The following GPRC5B variants were observed in gnomAD, a reference collection of about 807,000 sequenced individuals.
The protein encoded by GPRC5B is G protein-coupled receptor family C group 5 member B.
GPRC5B carries 16 observed loss-of-function variants against 30.1 expected under a neutral mutation model. The ratio of observed to expected loss-of-function variants is 0.53; its 90% CI spans 0.36 to 0.81. The LOEUF (loss-of-function observed/expected upper bound fraction) is 0.81, where lower values mean the gene tolerates loss of function less well. Among genes scored for constraint, GPRC5B ranks in the 30% least tolerant of loss-of-function variants. The pLI, the probability that GPRC5B is intolerant of heterozygous loss-of-function variation, is 0.01. For missense variants in GPRC5B, 428 were observed against 544.7 expected (o/e 0.79, Z 2.13); for synonymous variants, 241 against 239.5 (o/e 1.01, Z -0.06).
chr16:19,878,877 C>G (rs141594195), intron 1 of GPRC5B, among the ~76,000 whole-genome samples: 1 of 152,336 alleles, frequency 6.6e-6, no homozygotes, highest in South Asian at 2.1e-4. Context: ...AAAGCAGCAA[C>G]ATCGCCCTGG....
chr16:19,860,583 T>G (rs780314845), intron 3 of GPRC5B, 39 bp from the exon 4 acceptor site: 3 of 1,437,818 alleles, frequency 2.1e-6, no homozygotes, highest in Non-Finnish European at 2.9e-6. Context: ...GAGAACTCTG[T>G]GCTTTGCAAA....
At chr16:19,867,454 GC>G (rs1008376545) in intron 2 of GPRC5B, among the ~76,000 whole-genome samples, 4 of 152,160 alleles carry the variant, frequency 2.6e-5, no homozygotes, top group African/African-American at 9.7e-5. Context: ...ATGATACCGG[GC>G]CCCCAGGAAG....
rs139950795 is a variant in GPRC5B at position 19,872,277 on chromosome 16, C to T, written c.569G>A (p.Arg190Lys). The change falls in exon 2 of 4, where the codon AGG becomes AAG. Residue 190 changes from arginine to lysine, a missense_variant. By Grantham distance (26) the Arg-to-Lys change is conservative. Transcript: ENST00000300571. This position sits in a 1 kb window ranked among gnomAD's most constrained non-coding sequence, Gnocchi z 5.0. ...WLVLTVLRDT[R>K]PACAYEPMDF... ...CATGGGCTCGTAGGCGCAGGCTGGC[C>T]TTGTGTCACGCAGCACGGTGAGCAC... is the stretch of plus-strand genomic sequence containing the variant. 4 of 1,614,012 alleles carry T rather than the reference C, an allele frequency of 2.5e-6. No individual in the cohort carries two copies. The highest frequency in any genetic ancestry group is 3.4e-6 in the Non-Finnish European group (4 of 1,180,014).
intron 1 of GPRC5B, among the ~76,000 whole-genome samples, chr16:19,880,616 C>A (rs1399519184): frequency 6.6e-6 from 1 of 152,144 alleles, no homozygotes; most frequent in Non-Finnish European, 1.5e-5. Flanking sequence ...CTCCCACACT[C>A]TTCTGCAACC....
chr16:19,862,634 G>A (rs796248925), intron 2 of GPRC5B, among the ~76,000 whole-genome samples: 6 of 152,266 alleles, frequency 3.9e-5, no homozygotes, highest in Admixed American at 1.3e-4. Flanking sequence ...GGTAGAAGCC[G>A]GGCGCAGTGG....
At chr16:19,874,082 A>G (rs1201998207) in intron 1 of GPRC5B, among the ~76,000 whole-genome samples, 1 of 152,192 alleles carries the variant, frequency 6.6e-6, no homozygotes, top group African/African-American at 2.4e-5. Flanking sequence ...TAGTAAACAC[A>G]AAAGCAGCTG....
chr16:19,865,130 A>G (rs1261805420), intron 2 of GPRC5B, among the ~76,000 whole-genome samples: 1 of 151,840 alleles, frequency 6.6e-6, no homozygotes, highest in Non-Finnish European at 1.5e-5. Flanking sequence ...GCTGGTCTCA[A>G]AATTCCTGAG....
chr16:19,870,642 G>C (rs541423871), intron 2 of GPRC5B, among the ~76,000 whole-genome samples: 1 of 152,226 alleles, frequency 6.6e-6, no homozygotes, highest in Non-Finnish European at 1.5e-5. Context: ...AGCAATCCCC[G>C]CTGTGGCCCC....
At chr16:19,871,210 G>GA (rs1023022355) in intron 2 of GPRC5B, among the ~76,000 whole-genome samples, 2 of 146,256 alleles carry the variant, frequency 1.4e-5, no homozygotes, top group African/African-American at 5.1e-5. Flanking sequence ...CTTTAGCCAG[G>GA]AGTTCGAGGC....
intron 1 of GPRC5B, chr16:19,874,841 C>T (rs1038734617): frequency 5.4e-5 from 8 of 149,068 alleles, no homozygotes; most frequent in South Asian, 2.1e-4. Flanking sequence ...CCCTACCTCA[C>T]GGCTACCAGC....
In GPRC5B at chr16:19,872,639, G is replaced by A; in HGVS notation, c.207C>T (p.Ile69=). Residue 69 remains isoleucine, a synonymous_variant, in exon 2 of 4, where the codon ATC becomes ATT. Transcript: ENST00000300571. The surrounding 1 kb of genome is among the most constrained non-coding windows in gnomAD (Gnocchi z 5.0). ...VEAVAGAGAL[I]TLLLMLILLV... Reference sequence around the variant, plus strand: ...GGAGGATGAGCATCAGGAGCAGTGTGATCAGGGCGCCCGCCCCGGCCACCG... The same window carrying A: ...GGAGGATGAGCATCAGGAGCAGTGTAATCAGGGCGCCCGCCCCGGCCACCG... 6.2e-7 allele frequency: 1 copy of A among 1,614,084 alleles called. No individual in the cohort carries two copies.
upstream of GPRC5B, chr16:19,885,271 G>T (rs2056841821): frequency 7.8e-7 from 1 of 1,284,806 alleles, no homozygotes; most frequent in Non-Finnish European, 1.0e-6. This position sits in a 1 kb window ranked among gnomAD's most constrained non-coding sequence, Gnocchi z 5.3. Context: ...CGCTCCAAGG[G>T]GGGTTCATAA....
chr16:19,871,732 C>T, intron 2 of GPRC5B, 84 bp downstream of exon 2: 7 of 1,263,826 alleles, frequency 5.5e-6, no homozygotes, highest in Non-Finnish European at 6.8e-6. Flanking sequence ...ACTGGGACCG[C>T]CCATCCCCAC....
chr16:19,871,281 C>CAAAAAAAAAAAA (rs71375667), intron 2 of GPRC5B, among the ~76,000 whole-genome samples: 62 of 70,236 alleles, frequency 8.8e-4, no homozygotes, highest in Middle Eastern at 9.4e-3. Flanking sequence ...GACCCTGTCT[C>CAAAAAAAAAAAA]AAAAAAAAAA....
chr16:19,882,886 C>CTT (rs2056817773), intron 1 of GPRC5B, among the ~76,000 whole-genome samples: 1 of 152,182 alleles, frequency 6.6e-6, no homozygotes, highest in Non-Finnish European at 1.5e-5. Context: ...CACCTCCAAG[C>CTT]TTTTGCAGGC....
In GPRC5B at chr16:19,859,418, CAT is replaced by C. The variant is rs1203513568; in HGVS notation, c.*1080_*1081del. On this transcript the variant is annotated 3_prime_UTR_variant, in exon 4 of 4. Coordinates refer to ENST00000300571, the MANE Select transcript of GPRC5B (RefSeq NM_016235.3). ...CCCTCCAAAAGCAACAAGAAACCCT[CAT>C]GTGATCCATTCCATCCAGGAATTTT... 1 of 152,278 alleles carries C rather than the reference CAT, an allele frequency of 6.6e-6. No homozygotes were observed. The highest frequency in any genetic ancestry group is 1.5e-5 in the Non-Finnish European group (1 of 68,060). 9.4% of individuals were successfully genotyped at this position (152,278 alleles called of 1,614,324 possible). A position where few individuals can be genotyped will look rare whatever the true frequency, so the allele number is the denominator to read the frequency against.
chr16:19,885,390 C>T (rs991836379), upstream of GPRC5B: 3 of 1,171,846 alleles, frequency 2.6e-6, no homozygotes, highest in Admixed American at 3.5e-5. The surrounding 1 kb of genome is among the most constrained non-coding windows in gnomAD (Gnocchi z 5.3). Context: ...CCTAGGCGCA[C>T]ACACACCGCT....
intron 3 of GPRC5B, among the ~76,000 whole-genome samples, chr16:19,860,969 C>A (rs2056617096): frequency 6.6e-6 from 1 of 151,294 alleles, no homozygotes; most frequent in South Asian, 2.1e-4. Context: ...GAATGCAAAT[C>A]TGTGATTCTG....
At chr16:19,860,770 C>T (rs1311227446) in intron 3 of GPRC5B, among the ~76,000 whole-genome samples, 2 of 152,146 alleles carry the variant, frequency 1.3e-5, no homozygotes, top group Non-Finnish European at 2.9e-5. Context: ...AATGTAAGTT[C>T]AACTCATTCA....
Sources: gnomAD v4.1 joint callset for allele counts (sites outside exome capture counted in the v4.1 genomes callset) on GRCh38, gnomAD v4.1.1 for gene constraint, Gnocchi (gnomAD v3.1) non-coding constraint, MANE v1.5 for transcripts, NCBI Gene and HGNC (gene_info 2026-07-23, HGNC 2026-07-21) for gene names.